Variants in SLC9D1 observed in about 807,000 individuals in gnomAD.
SLC9D1 encodes solute carrier family 9 member D1.
the SLC9D1 span, among the ~76,000 whole-genome samples, chr13:113,548,952 C>G: frequency 6.6e-6 from 1 of 152,252 alleles, no homozygotes; most frequent in South Asian, 2.1e-4. Context: ...GAATTGCTTA[C>G]AGGAAGCTCC....
the SLC9D1 span, among the ~76,000 whole-genome samples, chr13:113,511,089 G>A: frequency 2.2e-4 from 28 of 125,514 alleles, no homozygotes; most frequent in Non-Finnish European, 2.6e-4. Flanking sequence ...GTCCCTGTGC[G>A]GGGAGGACAG....
chr13:113,527,760 C>T, the SLC9D1 span: 4 of 138,558 alleles, frequency 2.9e-5, no homozygotes, highest in Admixed American at 2.9e-4. Flanking sequence ...CATCCTTTTT[C>T]AGTCCACTTG....
chr13:113,539,290 C>A, the SLC9D1 span: 1 of 1,513,612 alleles, frequency 6.6e-7, no homozygotes. The surrounding 1 kb of genome is among the most constrained non-coding windows in gnomAD (Gnocchi z 4.8). Flanking sequence ...CTCGGGGTGG[C>A]CTTGGGATGG....
chr13:113,492,989 C>A, the SLC9D1 span, among the ~76,000 whole-genome samples: 3 of 152,094 alleles, frequency 2.0e-5, no homozygotes, highest in Non-Finnish European at 4.4e-5. Flanking sequence ...CTAATTTGCT[C>A]AAAAAACATG....
At chr13:113,523,156 A>G in the SLC9D1 span, among the ~76,000 whole-genome samples, 1 of 151,806 alleles carries the variant, frequency 6.6e-6, no homozygotes, top group South Asian at 2.1e-4. Flanking sequence ...TGGTAATAAA[A>G]GTCATACTAG....
chr13:113,511,153 G>GAGAGTGGAAGCCGACTCACTCGGAAA, the SLC9D1 span, among the ~76,000 whole-genome samples: 11 of 151,554 alleles, frequency 7.3e-5, no homozygotes, highest in Admixed American at 2.0e-4. Context: ...GTGCGGGGAG[G>GAGAGTGGAAGCCGACTCACTCGGAAA]CTTGGCAGGT....
the SLC9D1 span, chr13:113,503,480 C>T: frequency 6.3e-7 from 1 of 1,584,192 alleles, no homozygotes; most frequent in Non-Finnish European, 8.6e-7. Flanking sequence ...TATGGTTTTT[C>T]TTTTGTGTTT....
chr13:113,520,715 G>A, the SLC9D1 span: 1 of 1,612,608 alleles, frequency 6.2e-7, no homozygotes, highest in Non-Finnish European at 8.5e-7. Flanking sequence ...ATACAGGCGG[G>A]CGCCAGTGCA....
the SLC9D1 span, among the ~76,000 whole-genome samples, chr13:113,496,457 A>G: frequency 8.5e-5 from 13 of 152,246 alleles, no homozygotes; most frequent in Non-Finnish European, 1.8e-4. Context: ...TATCGAAAAT[A>G]AAAATACTAA....
At chr13:113,549,385 T>C in the SLC9D1 span, 2 of 1,607,382 alleles carry the variant, frequency 1.2e-6, no homozygotes, top group South Asian at 2.2e-5. Context: ...GTGCTAGTCC[T>C]GACAGTCTCT....
the SLC9D1 span, among the ~76,000 whole-genome samples, chr13:113,539,687 G>A: frequency 1.1e-4 from 16 of 152,110 alleles, no homozygotes; most frequent in African/African-American, 2.9e-4. This position sits in a 1 kb window ranked among gnomAD's most constrained non-coding sequence, Gnocchi z 4.8. Flanking sequence ...TTTATAGAGC[G>A]CAGAGAAATC....
chr13:113,527,009 G>T, the SLC9D1 span, among the ~76,000 whole-genome samples: 1 of 152,370 alleles, frequency 6.6e-6, no homozygotes, highest in African/African-American at 2.4e-5. Flanking sequence ...GCAGTGCCAG[G>T]CGGCCTGGGT....
At chr13:113,509,241 C>T in the SLC9D1 span, among the ~76,000 whole-genome samples, 66 of 112,222 alleles carry the variant, frequency 5.9e-4, no homozygotes, top group African/African-American at 8.9e-4. Context: ...GGGTGGGTCC[C>T]CCTGGCGCTG....
the SLC9D1 span, chr13:113,496,156 G>C: frequency 1.5e-6 from 1 of 662,506 alleles, no homozygotes; most frequent in East Asian, 2.7e-5. Context: ...GGAAGGGAAG[G>C]CGTGAATGCT....
At chr13:113,534,652 G>A in the SLC9D1 span, 17 of 212,408 alleles carry the variant, frequency 8.0e-5, no homozygotes, top group African/African-American at 2.8e-4. Context: ...CAGCTGGGGC[G>A]TGGTCGCGCT....
the SLC9D1 span, among the ~76,000 whole-genome samples, chr13:113,542,686 A>C: frequency 6.6e-6 from 1 of 152,164 alleles, no homozygotes; most frequent in South Asian, 2.1e-4. Context: ...AGAGGGTGGA[A>C]TCACAAGGGA....
At chr13:113,538,942 G>T in the SLC9D1 span, among the ~76,000 whole-genome samples, 2 of 152,226 alleles carry the variant, frequency 1.3e-5, no homozygotes, top group South Asian at 4.1e-4. Flanking sequence ...CCCTCCCGGG[G>T]CTGTTGCTTG....
At chr13:113,519,801 G>C in the SLC9D1 span, among the ~76,000 whole-genome samples, 2 of 152,120 alleles carry the variant, frequency 1.3e-5, no homozygotes, top group Non-Finnish European at 2.9e-5. Context: ...TGGTGGCTTG[G>C]GTGCGTCTGC....
At chr13:113,517,481 G>A in the SLC9D1 span, among the ~76,000 whole-genome samples, 1 of 152,090 alleles carries the variant, frequency 6.6e-6, no homozygotes, top group Non-Finnish European at 1.5e-5. Flanking sequence ...GCCCGCCTTG[G>A]CCTCCCAAAG....
Sources: allele counts gnomAD v4.1 joint callset (sites outside exome capture counted in the v4.1 genomes callset), GRCh38; gene constraint gnomAD v4.1.1; non-coding constraint Gnocchi (gnomAD v3.1); transcripts MANE v1.5; gene names NCBI Gene and HGNC (gene_info 2026-07-23, HGNC 2026-07-21).